SAMSN1: variants seen among roughly 807,000 people sequenced by gnomAD.
SAMSN1 encodes the protein SAM domain, SH3 domain and nuclear localization signals 1.
SAMSN1 carries 31 observed loss-of-function variants against 42.0 expected under a neutral mutation model. The ratio of observed to expected loss-of-function variants is 0.74; its 90% CI spans 0.55 to 1.00. SAMSN1 has a LOEUF of 1.00. SAMSN1 is among the 50% of genes least tolerant of loss of function. The pLI is 0.00. For synonymous variants in SAMSN1, 178 were observed against 151.9 expected, an observed-to-expected ratio of 1.17 and a Z score of -1.26; for missense variants, 464 against 439.4, an observed-to-expected ratio of 1.06 and a Z score of -0.50.
At chr21:14,629,111 G>GCACT (rs988760595) in intron 2 of SAMSN1, among the ~76,000 whole-genome samples, 2 of 152,054 alleles carry the variant, frequency 1.3e-5, no homozygotes, top group Admixed American at 1.3e-4. Flanking sequence ...TCACAAAGAA[G>GCACT]CACTATTAGC....
chr21:14,639,646 G>A (rs908032510), intron 2 of SAMSN1, among the ~76,000 whole-genome samples: 7 of 152,236 alleles, frequency 4.6e-5, no homozygotes, highest in African/African-American at 2.4e-5. Context: ...AATACTTTGT[G>A]AGCTTCAGAC....
intron 2 of SAMSN1, among the ~76,000 whole-genome samples, chr21:14,562,702 G>T (rs116782243): frequency 6.6e-6 from 1 of 151,722 alleles, no homozygotes; most frequent in African/African-American, 2.4e-5. Flanking sequence ...TGTTTTTCTT[G>T]ATCTTTATCC....
chr21:14,626,848 T>C (rs1450059415), intron 2 of SAMSN1, among the ~76,000 whole-genome samples: 1 of 152,152 alleles, frequency 6.6e-6, no homozygotes, highest in East Asian at 1.9e-4. Flanking sequence ...TGTGGCACTA[T>C]TCACAATAGC....
At chr21:14,518,997 GGTTTTTCTA>G (rs1453278246) in intron 2 of SAMSN1, among the ~76,000 whole-genome samples, 2 of 151,990 alleles carry the variant, frequency 1.3e-5, no homozygotes, top group Non-Finnish European at 2.9e-5. Context: ...ATATTTTTCA[GGTTTTTCTA>G]GCGTTATTTA....
At chr21:14,655,231 G>T (rs1406446864) in intron 1 of SAMSN1, among the ~76,000 whole-genome samples, 1 of 151,692 alleles carries the variant, frequency 6.6e-6, no homozygotes, top group Non-Finnish European at 1.5e-5. Flanking sequence ...TCATAAGAGA[G>T]AATTAGAAAA....
intron 2 of SAMSN1, among the ~76,000 whole-genome samples, chr21:14,554,862 T>A (rs1158412302): frequency 6.6e-6 from 1 of 151,758 alleles, no homozygotes; most frequent in East Asian, 1.9e-4. Flanking sequence ...TAATGTCTGG[T>A]TTATTTTCTA....
At chr21:14,528,814 C>T (rs1225556915) in intron 1 of SAMSN1, among the ~76,000 whole-genome samples, 5 of 152,132 alleles carry the variant, frequency 3.3e-5, no homozygotes, top group Non-Finnish European at 5.9e-5. Flanking sequence ...TTCTTCTTTC[C>T]AAAATGTAAA....
At position 14,578,183 on chromosome 21, in the gene SAMSN1, T is replaced by C. The variant is rs187205908; in HGVS notation, c.261+3953A>G. Among the ~76,000 whole-genome samples, 340 of 152,260 alleles carry C rather than the reference T, an allele frequency of 2.2e-3. 2 individuals are homozygous for C. Among genetic ancestry groups the C allele is most frequent in the African/African-American group, 7.7e-3 (320 of 41,546 alleles). ...TTGCTTAACTACTGGGTGTTTTTGGTATGCAAAGAGTTACTCAGAGGAAAG... is the reference window on the plus strand; with the variant it reads ...TTGCTTAACTACTGGGTGTTTTTGGCATGCAAAGAGTTACTCAGAGGAAAG... On this transcript the variant is annotated intron_variant, in intron 2 of 8. Coordinates refer to the SAMSN1 transcript ENST00000285670.
chr21:14,576,849 A>G (rs902764386), intron 2 of SAMSN1, among the ~76,000 whole-genome samples: 5 of 151,836 alleles, frequency 3.3e-5, no homozygotes, highest in East Asian at 1.9e-4. Flanking sequence ...TTTTCTCACT[A>G]TACTGTTTGA....
chr21:14,625,841 A>T (rs1983152809), intron 2 of SAMSN1, among the ~76,000 whole-genome samples: 1 of 152,238 alleles, frequency 6.6e-6, no homozygotes, highest in African/African-American at 2.4e-5. Flanking sequence ...AGCCAAAAGA[A>T]CAAAGCTGGA....
intron 2 of SAMSN1, among the ~76,000 whole-genome samples, chr21:14,626,434 A>G (rs1367362591): frequency 6.6e-6 from 1 of 152,220 alleles, no homozygotes. Context: ...AACTTACAAG[A>G]AAGAAACAAA....
exon 3 of SAMSN1, chr21:14,616,004 A>T (rs964060486): frequency 1.5e-4 from 92 of 594,204 alleles, no homozygotes; most frequent in African/African-American, 1.5e-3. Flanking sequence ...GCATTCTCTA[A>T]ATTAGAAACT....
intron 2 of SAMSN1, among the ~76,000 whole-genome samples, chr21:14,557,852 T>C (rs11909106): frequency 0.57 from 86,663 of 152,004 alleles, 25,622 homozygotes; most frequent in East Asian, 0.79. Flanking sequence ...TGCTCAAGCT[T>C]TTCCATCTGC....
At chr21:14,489,536 T>C (rs1055428640) in intron 7 of SAMSN1, among the ~76,000 whole-genome samples, 19 of 152,140 alleles carry the variant, frequency 1.2e-4, no homozygotes, top group African/African-American at 4.6e-4. Context: ...GTAAATATCT[T>C]AAAGGACATA....
intron 2 of SAMSN1, among the ~76,000 whole-genome samples, chr21:14,565,366 C>T (rs186443456): frequency 3.3e-5 from 5 of 151,444 alleles, no homozygotes; most frequent in Admixed American, 1.3e-4. Context: ...TCTTCAATGA[C>T]TCATCCTCTA....
chr21:14,651,114 A>G (rs931457331), intron 1 of SAMSN1, among the ~76,000 whole-genome samples: 9 of 152,164 alleles, frequency 5.9e-5, no homozygotes, highest in Middle Eastern at 3.4e-3. Context: ...AGAAGAATTA[A>G]TACCAATCTT....
intron 2 of SAMSN1, among the ~76,000 whole-genome samples, chr21:14,637,627 T>C: frequency 6.6e-6 from 1 of 152,200 alleles, no homozygotes; most frequent in Non-Finnish European, 1.5e-5. Flanking sequence ...AGCAAAGATT[T>C]TGTGTATCAA....
chr21:14,645,127 G>T (rs1036352038), intron 1 of SAMSN1, among the ~76,000 whole-genome samples: 2 of 152,332 alleles, frequency 1.3e-5, no homozygotes, highest in East Asian at 3.9e-4. Context: ...GACAGGATTT[G>T]CCACCTGCTG....
At chr21:14,514,467 A>G (rs1267105745) in intron 3 of SAMSN1, among the ~76,000 whole-genome samples, 8 of 152,206 alleles carry the variant, frequency 5.3e-5, no homozygotes, top group Non-Finnish European at 1.5e-5. Flanking sequence ...GAATAAAAAG[A>G]ATGGAAAGCA....
Sources: allele counts gnomAD v4.1 joint callset (sites outside exome capture counted in the v4.1 genomes callset), GRCh38; gene constraint gnomAD v4.1.1; transcripts MANE v1.5; gene names NCBI Gene and HGNC (gene_info 2026-07-23, HGNC 2026-07-21).